The following CABLES1 variants were observed in gnomAD, a reference collection of about 807,000 sequenced individuals.
CABLES1 encodes the protein Cdk5 and Abl enzyme substrate 1, also known as CDK5 and ABL1 enzyme substrate 1.
A neutral mutation model predicts 57.8 loss-of-function variants in CABLES1; 36 were observed. That is an observed-to-expected ratio of 0.62 (90% CI 0.48 to 0.82). CABLES1 has a LOEUF of 0.82. Among genes scored for constraint, CABLES1 ranks in the 40% least tolerant of loss-of-function variants. The pLI is 0.00. For missense variants in CABLES1, 767 were observed against 836.6 expected (o/e 0.92, Z 1.03); for synonymous variants, 374 against 363.0 (o/e 1.03, Z -0.35).
At chr18:23,235,417 T>C (rs1458049932) in intron 5 of CABLES1, among the ~76,000 whole-genome samples, 1 of 152,196 alleles carries the variant, frequency 6.6e-6, no homozygotes, top group East Asian at 1.9e-4. Flanking sequence ...AACGAGGAAG[T>C]GTTCCCATAG....
intron 7 of CABLES1, among the ~76,000 whole-genome samples, chr18:23,239,827 G>A (rs1349608527): frequency 6.6e-6 from 1 of 152,126 alleles, no homozygotes; most frequent in African/African-American, 2.4e-5. Flanking sequence ...TCTTAGAAAA[G>A]CAGCAGGAGA....
intron 1 of CABLES1, among the ~76,000 whole-genome samples, chr18:23,164,459 TTAAG>T (rs1478199795): frequency 2.6e-5 from 4 of 152,292 alleles, no homozygotes; most frequent in Non-Finnish European, 5.9e-5. Context: ...TATTTTTTTT[TTAAG>T]TGTCTGGGCC....
chr18:23,184,816 C>G (rs1017706988), intron 1 of CABLES1, among the ~76,000 whole-genome samples: 18 of 152,172 alleles, frequency 1.2e-4, no homozygotes, highest in African/African-American at 3.9e-4. Context: ...CTTCCAGTTA[C>G]AGATGACCAA....
In CABLES1 at chr18:23,135,947, G is replaced by T; in HGVS notation, c.185G>T (p.Arg62Leu). Residue 62 changes from arginine (R) to leucine (L), a missense_variant, in exon 1 of 10, where the codon CGC becomes CTC. Around this residue, in one of 4 missense-constraint regions of CABLES1, gnomAD observed 198 missense variants for 149.7 expected, o/e 1.32. Transcript: ENST00000256925. ...AAGCCGCGCATGGACCCGCGGCGCC[G>T]CCAGGCTGCCCTCTCCTTCCTCACC... ...PRKPRMDPRR[R>L]QAALSFLTNI... 1 of 1,129,902 alleles carries T rather than the reference G, an allele frequency of 8.9e-7. No individual in the cohort carries two copies. Among genetic ancestry groups the T allele is most frequent in the East Asian group, 5.2e-5 (1 of 19,370 alleles). The allele number at this position is 1,129,902 out of a possible 1,614,324, so 70.0% of individuals were successfully genotyped here.
intron 3 of CABLES1, among the ~76,000 whole-genome samples, chr18:23,209,152 T>C (rs2047385588): frequency 6.6e-6 from 1 of 152,192 alleles, no homozygotes; most frequent in African/African-American, 2.4e-5. Flanking sequence ...AGTAGCATGG[T>C]GAAATCTCTC....
At chr18:23,244,034 T>C (rs774654184) in intron 7 of CABLES1, among the ~76,000 whole-genome samples, 83 of 152,234 alleles carry the variant, frequency 5.5e-4, no homozygotes, top group Non-Finnish European at 1.1e-3. Context: ...TTCTATGTAT[T>C]TGTCTCGGAT....
chr18:23,246,630 A>T (rs1374803796), intron 7 of CABLES1, among the ~76,000 whole-genome samples: 1 of 151,130 alleles, frequency 6.6e-6, no homozygotes, highest in African/African-American at 2.5e-5. Context: ...TGACCTTGTG[A>T]TCCGCCCACC....
At chr18:23,187,441 C>T in intron 1 of CABLES1, among the ~76,000 whole-genome samples, 1 of 152,200 alleles carries the variant, frequency 6.6e-6, no homozygotes, top group East Asian at 1.9e-4. Context: ...GGCTGGAGTC[C>T]AGTGGCACGA....
At position 23,191,082 on chromosome 18, in the gene CABLES1, A is replaced by C. The variant is rs2145019783; in HGVS notation, c.917+2173A>C. Among the ~76,000 whole-genome samples, 4 of 134,364 alleles carry C rather than the reference A, an allele frequency of 3.0e-5. No individual in the cohort carries two copies. The South Asian group carries it at 9.3e-4, about 31-fold the overall frequency. The allele number at this position is 134,364 out of a possible 152,430, so 88.1% of individuals were successfully genotyped here. A position where few individuals can be genotyped will look rare whatever the true frequency, so the allele number is the denominator to read the frequency against. On this transcript the variant is annotated intron_variant, in intron 2 of 9. Transcript: ENST00000256925. The stretch of plus-strand genomic sequence containing the variant: ...AATGTAGTGAGACCCCATCTCTACA[A>C]AAAAAAAAAAAAAAAAAAATTAACC...
intron 1 of CABLES1, among the ~76,000 whole-genome samples, chr18:23,165,247 T>C (rs1598807001): frequency 6.6e-6 from 1 of 152,160 alleles, no homozygotes; most frequent in Admixed American, 6.5e-5. Context: ...CACACCCAGC[T>C]AATTTTTTAA....
intron 1 of CABLES1, among the ~76,000 whole-genome samples, chr18:23,162,498 G>A (rs2047012365): frequency 6.6e-6 from 1 of 152,208 alleles, no homozygotes; most frequent in Admixed American, 6.5e-5. Context: ...GTGCAAGGGG[G>A]TGAGTATAGA....
intron 4 of CABLES1, among the ~76,000 whole-genome samples, chr18:23,225,732 A>T (rs1006058977): frequency 4.6e-5 from 7 of 152,142 alleles, no homozygotes; most frequent in Middle Eastern, 3.2e-3. Flanking sequence ...CCTTTTATCC[A>T]CATTAGTCAC....
intron 1 of CABLES1, among the ~76,000 whole-genome samples, chr18:23,162,089 C>T (rs548335857): frequency 1.9e-4 from 29 of 151,942 alleles, no homozygotes; most frequent in Admixed American, 4.6e-4. Flanking sequence ...CGCTTGAACT[C>T]GGGAGGCAGA....
At chr18:23,183,814 C>T (rs535799059) in intron 1 of CABLES1, among the ~76,000 whole-genome samples, 2 of 152,280 alleles carry the variant, frequency 1.3e-5, no homozygotes, top group African/African-American at 4.8e-5. Context: ...AAGGAGTTTG[C>T]ATAGTAATGG....
chr18:23,214,592 A>C (rs1282747733), intron 4 of CABLES1: 2 of 152,304 alleles, frequency 1.3e-5, no homozygotes, highest in Admixed American at 6.5e-5. Flanking sequence ...CTCTGAAAAA[A>C]AGTAAGTACC....
chr18:23,213,984 C>CT lies in CABLES1; in HGVS notation c.1020dup (p.Ile341TyrfsTer9). 1 of 1,601,820 alleles carries CT rather than the reference C, an allele frequency of 6.2e-7. No homozygotes were observed. Among genetic ancestry groups the CT allele is most frequent in the Non-Finnish European group, 8.5e-7 (1 of 1,171,824 alleles). ...CTTCTTTTTATTTTTTAGAATAGTCCTTATCAGTGGCAGAAGATCCTTCTG... is the reference window on the plus strand; with the variant it reads ...CTTCTTTTTATTTTTTAGAATAGTCCTTTATCAGTGGCAGAAGATCCTTCTG... On this transcript the variant is annotated frameshift_variant, in exon 4 of 10. Coordinates refer to ENST00000256925, the MANE Select transcript of CABLES1 (RefSeq NM_001100619.3). LOFTEE classifies it high-confidence loss of function.
chr18:23,173,654 A>C (rs2047099446), intron 1 of CABLES1, among the ~76,000 whole-genome samples: 1 of 152,236 alleles, frequency 6.6e-6, no homozygotes. Flanking sequence ...TATAATTTGC[A>C]TACCAACCAT....
Position 23,136,290 on chromosome 18 carries a change from G to T in CABLES1, c.528G>T (p.Ser176=). The T allele has an allele frequency of 2.9e-6, 4 of 1,374,638 alleles. No homozygotes were observed. Among genetic ancestry groups the T allele is most frequent in the Non-Finnish European group, 3.7e-6 (4 of 1,070,158 alleles). The allele number at this position is 1,374,638 out of a possible 1,614,324, so 85.2% of individuals were successfully genotyped here. The change falls in exon 1 of 10, where the codon TCG becomes TCT. Residue 176 remains serine (S), a synonymous_variant. Transcript: ENST00000256925. The part of the protein sequence containing the change: ...FASPLGAGRA[S]GEQWQPPRPA... ...GTCCCCTGGGCGCCGGCCGGGCGTC[G>T]GGGGAGCAGTGGCAGCCGCCCCGGC... is the stretch of plus-strand genomic sequence containing the variant.
chr18:23,219,696 T>C (rs2047471974), intron 4 of CABLES1, among the ~76,000 whole-genome samples: 1 of 152,194 alleles, frequency 6.6e-6, no homozygotes, highest in South Asian at 2.1e-4. Flanking sequence ...ACCCCTCATC[T>C]ATAAAATGGG....
Sources: allele counts gnomAD v4.1 joint callset (sites outside exome capture counted in the v4.1 genomes callset), GRCh38; gene constraint gnomAD v4.1.1; regional missense constraint gnomAD v4.1.1; transcripts MANE v1.5; gene names NCBI Gene and HGNC (gene_info 2026-07-23, HGNC 2026-07-21).